Variants in SLC45A3 observed in about 807,000 individuals in gnomAD.
The protein encoded by SLC45A3 is prostate cancer associated protein 2.
SLC45A3 carries 17 observed loss-of-function variants against 35.3 expected under a neutral mutation model. The ratio of observed to expected loss-of-function variants is 0.48; its 90% confidence interval spans 0.33 to 0.72. The LOEUF (loss-of-function observed/expected upper bound fraction) is 0.72. Ranked by LOEUF, SLC45A3 falls within the 30% of genes least tolerant of loss-of-function variation. SLC45A3 has a pLI of 0.02. For missense variants in SLC45A3, 597 were observed against 731.7 expected (o/e 0.82, Z 2.12); for synonymous variants, 288 against 334.3 (o/e 0.86, Z 1.51).
At position 205,662,272 on chromosome 1, in the gene SLC45A3, A is replaced by AC. The variant is rs1671040407; in HGVS notation, c.959-147dup. 6.3e-6 allele frequency: 9 copies of AC among 1,433,512 alleles called. No homozygotes were observed. In the East Asian group the frequency reaches 2.3e-4, roughly 36 times the overall value. 88.8% of individuals were successfully genotyped at this position (1,433,512 alleles called of 1,614,324 possible). On this transcript the variant is annotated intron_variant, in intron 3 of 4. Transcript: ENST00000367145. The surrounding 1 kb of genome is among the most constrained non-coding windows in gnomAD (Gnocchi z 6.2). The stretch of plus-strand genomic sequence containing the variant: ...GCTCCCCAGCACCCTTCCCCTTTCT[A>AC]CCTCTAGCAATGGGAGTCTAGGTTC...
intron 1 of SLC45A3, among the ~76,000 whole-genome samples, chr1:205,671,564 A>G (rs1270912640): frequency 2.0e-5 from 3 of 152,188 alleles, no homozygotes; most frequent in African/African-American, 4.8e-5. Flanking sequence ...CTCATCCACA[A>G]TGAACAACAG....
In SLC45A3 at chr1:205,658,981, A is replaced by G. The variant is rs1670968482; in HGVS notation, c.*253T>C. 5 of 503,374 alleles carry G rather than the reference A, an allele frequency of 9.9e-6. No individual in the cohort carries two copies. Among genetic ancestry groups the G allele is most frequent in the Admixed American group, 3.6e-5 (1 of 27,616 alleles). The allele number at this position is 503,374 out of a possible 1,614,324, so 31.2% of individuals were successfully genotyped here. A position where few individuals can be genotyped will look rare whatever the true frequency, so the allele number is the denominator to read the frequency against. The stretch of plus-strand genomic sequence containing the variant: ...CATGGAGCCCTTCTGGCCTCCCTGT[A>G]TAAGTCCAGACTGAAACCCCCTTGG... On this transcript the variant is annotated 3_prime_UTR_variant, in exon 5 of 5. Coordinates refer to ENST00000367145, the MANE Select transcript of SLC45A3 (RefSeq NM_033102.3).
At position 205,669,404 on chromosome 1, in the gene SLC45A3, AG is replaced by A. The variant is rs1671169172; in HGVS notation, c.-230-4519del. On this transcript the variant is annotated intron_variant, in intron 1 of 4. Coordinates refer to ENST00000367145, the MANE Select transcript of SLC45A3 (RefSeq NM_033102.3). This position sits in a 1 kb window ranked among gnomAD's most constrained non-coding sequence, Gnocchi z 4.1. ...CACTCCCTGGTAGCTCCCTAAGGGA[AG>A]GGAGGGTCAGAGGGGGATGTATAAA... Among the ~76,000 whole-genome samples the A allele has an allele frequency of 6.6e-6, 1 of 152,190 alleles. No homozygotes were observed. Among genetic ancestry groups the A allele is most frequent in the South Asian group, 2.1e-4 (1 of 4,836 alleles).
Position 205,658,965 on chromosome 1 carries a change from C to G in SLC45A3, c.*269G>C. The G allele has an allele frequency of 2.1e-6, 1 of 468,108 alleles. No individual in the cohort carries two copies. Among genetic ancestry groups the G allele is most frequent in the Non-Finnish European group, 3.8e-6 (1 of 261,688 alleles). The allele number at this position is 468,108 out of a possible 1,614,324, so 29.0% of individuals were successfully genotyped here. A position where few individuals can be genotyped will look rare whatever the true frequency, so the allele number is the denominator to read the frequency against. ...TCCCCGCATTCCAGTGCATGGAGCC[C>G]TTCTGGCCTCCCTGTATAAGTCCAG... On this transcript the variant is annotated 3_prime_UTR_variant, in exon 5 of 5. Coordinates refer to ENST00000367145, the MANE Select transcript of SLC45A3 (RefSeq NM_033102.3).
chr1:205,659,305 C>G lies in SLC45A3; in HGVS notation c.1591G>C (p.Gly531Arg). ...GTAGCAAAGTAAATGGCGACCAGAC[C>G]CAGGCCTGCGGCAGACACCATATAG... ...TAYMVSAAGL[G>R]LVAIYFATQV... is the part of the protein sequence containing the mutation. The change falls in exon 5 of 5, where the codon GGT becomes CGT. Residue 531 changes from glycine to arginine, a missense_variant. Physicochemically the swap from Gly to Arg is moderately radical, Grantham distance 125. Coordinates refer to ENST00000367145, the MANE Select transcript of SLC45A3 (RefSeq NM_033102.3). This position sits in a 1 kb window ranked among gnomAD's most constrained non-coding sequence, Gnocchi z 5.8. 1 of 1,614,150 alleles carries G rather than the reference C, an allele frequency of 6.2e-7. No homozygotes were observed. The highest frequency in any genetic ancestry group is 8.5e-7 in the Non-Finnish European group (1 of 1,180,018).
At chr1:205,668,578 T>G (rs980908589) in intron 1 of SLC45A3, among the ~76,000 whole-genome samples, 1 of 152,034 alleles carries the variant, frequency 6.6e-6, no homozygotes, top group Admixed American at 6.6e-5. Context: ...CCTCCAGTCT[T>G]GGAGATGCTT....
At chr1:205,673,550 G>A (rs1038460059) in intron 1 of SLC45A3, among the ~76,000 whole-genome samples, 4 of 152,168 alleles carry the variant, frequency 2.6e-5, no homozygotes, top group Non-Finnish European at 5.9e-5. Flanking sequence ...AAGAGGCCAG[G>A]AGACTAAAGA....
At position 205,658,455 on chromosome 1, in the gene SLC45A3, T is replaced by C. The variant is rs1003435785; in HGVS notation, c.*779A>G. 4 of 233,136 alleles carry C rather than the reference T, an allele frequency of 1.7e-5. No individual in the cohort carries two copies. The highest frequency in any genetic ancestry group is 3.4e-5 in the Non-Finnish European group (4 of 118,024). The allele number at this position is 233,136 out of a possible 1,614,324, so 14.4% of individuals were successfully genotyped here. On this transcript the variant is annotated 3_prime_UTR_variant, in exon 5 of 5. Coordinates refer to ENST00000367145, the MANE Select transcript of SLC45A3 (RefSeq NM_033102.3). ...AAGATTCTGGCAATGATCAGCCCAATGACCAGCTATCTCAGGGGACCTGAT... is the reference window on the plus strand; with the variant it reads ...AAGATTCTGGCAATGATCAGCCCAACGACCAGCTATCTCAGGGGACCTGAT...
rs570189715 is a variant in SLC45A3 at position 205,659,093 on chromosome 1, G to A, written c.*141C>T. On this transcript the variant is annotated 3_prime_UTR_variant, in exon 5 of 5. Transcript: ENST00000367145. This position sits in a 1 kb window ranked among gnomAD's most constrained non-coding sequence, Gnocchi z 5.8. ...AGCTGTGCAGCTACGCACCTCAGCA[G>A]CACAGGGTGGCAGCAGAGAGCCACA... The A allele has an allele frequency of 2.4e-6, 2 of 843,566 alleles. No individual in the cohort carries two copies. Among genetic ancestry groups the A allele is most frequent in the Non-Finnish European group, 3.6e-6 (2 of 549,352 alleles). The allele number at this position is 843,566 out of a possible 1,614,324, so 52.3% of individuals were successfully genotyped here. A position where few individuals can be genotyped will look rare whatever the true frequency, so the allele number is the denominator to read the frequency against.
intron 1 of SLC45A3, among the ~76,000 whole-genome samples, chr1:205,673,728 G>A (rs1436100086): frequency 1.3e-5 from 2 of 152,138 alleles, no homozygotes; most frequent in African/African-American, 2.4e-5. Flanking sequence ...ATAAAGAGAG[G>A]GCTCCAAGTC....
chr1:205,676,293 G>C (rs1671314081), intron 1 of SLC45A3, among the ~76,000 whole-genome samples: 1 of 152,176 alleles, frequency 6.6e-6, no homozygotes, highest in Admixed American at 6.5e-5. Flanking sequence ...CTGCTGTTGT[G>C]GGCTGGCTGC....
intron 1 of SLC45A3, among the ~76,000 whole-genome samples, chr1:205,671,236 C>T (rs1671210774): frequency 6.6e-6 from 1 of 152,224 alleles, no homozygotes; most frequent in Non-Finnish European, 1.5e-5. Flanking sequence ...CTGGCAATCC[C>T]ATGGTGACAG....
At position 205,662,154 on chromosome 1, in the gene SLC45A3, G is replaced by C. The variant is rs751195074; in HGVS notation, c.959-28C>G. Reference sequence around the variant, plus strand: ...GCAGAGGGAGAGGGGCCATCAGACAGAGCCTGGGAGGGAAGGGTCGGAGCA... The same window carrying C: ...GCAGAGGGAGAGGGGCCATCAGACACAGCCTGGGAGGGAAGGGTCGGAGCA... On this transcript the variant is annotated intron_variant, in intron 3 of 4. Coordinates refer to ENST00000367145, the MANE Select transcript of SLC45A3 (RefSeq NM_033102.3). The surrounding 1 kb of genome is among the most constrained non-coding windows in gnomAD (Gnocchi z 6.2). The C allele has an allele frequency of 6.3e-7, 1 of 1,593,276 alleles. No homozygotes were observed. The highest frequency in any genetic ancestry group is 8.6e-7 in the Non-Finnish European group (1 of 1,167,346).
chr1:205,663,207 T>C lies in SLC45A3; in HGVS notation c.584A>G (p.Gln195Arg). 1 of 1,613,380 alleles carries C rather than the reference T, an allele frequency of 6.2e-7. No individual in the cohort carries two copies. Among genetic ancestry groups the C allele is most frequent in the Non-Finnish European group, 8.5e-7 (1 of 1,179,966 alleles). ...GAGCAGGCCAAAGAGGCACTCCTCC[T>C]GGGTGCCCAGGTAGGGGGCCAGGGC... ...TSALAPYLGTQEECLFGLLTL... is the reference protein window; with the variant it reads ...TSALAPYLGTREECLFGLLTL... Residue 195 changes from glutamine to arginine, a missense_variant, in exon 3 of 5, where the codon CAG becomes CGG. By Grantham distance (43) the Gln-to-Arg change is conservative. Transcript: ENST00000367145.
At chr1:205,661,820 C>A in intron 4 of SLC45A3, 41 bp downstream of exon 4, 1 of 1,578,198 alleles carries the variant, frequency 6.3e-7, no homozygotes. Context: ...AAACCCAGAC[C>A]ACCCCTCCCA....
rs772584733 is a variant in SLC45A3 at position 205,663,541 on chromosome 1, G to A, written c.250C>T (p.Arg84Cys). ...AGTGCCCAGATGAAGGGCCGGCGGCGGCCATAGCGTCCACGCCAGTGGTCA... is the reference window on the plus strand; with the variant it reads ...AGTGCCCAGATGAAGGGCCGGCGGCAGCCATAGCGTCCACGCCAGTGGTCA... ...ASDHWRGRYGRRRPFIWALSL... is the reference protein window; with the variant it reads ...ASDHWRGRYGCRRPFIWALSL... The change falls in exon 3 of 5, where the codon CGC (arginine) becomes TGC (cysteine). Residue 84 changes from arginine (R) to cysteine (C), a missense_variant. Physicochemically the swap from Arg to Cys is radical, Grantham distance 180 (BLOSUM62 -3). Around this residue, in one of 3 missense-constraint regions of SLC45A3, gnomAD observed 555 missense variants for 664.9 expected, o/e 0.83. Transcript: ENST00000367145. 6.6e-5 allele frequency: 107 copies of A among 1,612,740 alleles called. No individual in the cohort carries two copies. The highest frequency in any genetic ancestry group is 8.4e-5 in the Non-Finnish European group (99 of 1,180,036).
At chr1:205,661,755 GCA>G in intron 4 of SLC45A3, 104 bp downstream of exon 4, 2 of 1,461,072 alleles carry the variant, frequency 1.4e-6, no homozygotes, top group Non-Finnish European at 1.8e-6. Flanking sequence ...ATTCAAAGAA[GCA>G]TTCTCCAAAG....
rs115093590 is a variant in SLC45A3, at chr1:205,671,177, T to A, written c.-230-6291A>T. Among the ~76,000 whole-genome samples, 492 of 152,316 alleles carry A rather than the reference T, an allele frequency of 3.2e-3. 1 individual carries two copies. The highest frequency in any genetic ancestry group is 0.011 in the African/African-American group (454 of 41,576). On this transcript the variant is annotated intron_variant, in intron 1 of 4. Coordinates refer to ENST00000367145, the MANE Select transcript of SLC45A3 (RefSeq NM_033102.3). ...CCCTCACCTTGGCCAGAGTCAGTCC[T>A]GGACAGCCTAAGCTAGGGCTGAAGC... is the stretch of plus-strand genomic sequence containing the variant.
Position 205,662,308 on chromosome 1 carries a change from C to T in SLC45A3, c.959-182G>A. ...TGGGAGTCTAGGTTCTTCCACTGAC[C>T]CTCAGAGAATGTGGGCAACGCCCCT... On this transcript the variant is annotated intron_variant, in intron 3 of 4. Transcript: ENST00000367145. This position sits in a 1 kb window ranked among gnomAD's most constrained non-coding sequence, Gnocchi z 6.2. 3 of 1,424,048 alleles carry T rather than the reference C, an allele frequency of 2.1e-6. No individual in the cohort carries two copies. Among genetic ancestry groups the T allele is most frequent in the Non-Finnish European group, 1.8e-6 (2 of 1,093,292 alleles). 88.2% of individuals were successfully genotyped at this position (1,424,048 alleles called of 1,614,324 possible).
Sources: gnomAD v4.1 joint callset for allele counts (sites outside exome capture counted in the v4.1 genomes callset) on GRCh38, gnomAD v4.1.1 for gene constraint, gnomAD v4.1.1 regional missense constraint, Gnocchi (gnomAD v3.1) non-coding constraint, MANE v1.5 for transcripts, NCBI Gene and HGNC (gene_info 2026-07-23, HGNC 2026-07-21) for gene names.